Variants in ZNRF1 observed in about 807,000 individuals in gnomAD.
ZNRF1 encodes the protein zinc and ring finger 1, also known as E3 ubiquitin-protein ligase ZNRF1.
Under a neutral mutation model 18.4 loss-of-function variants are expected in ZNRF1, and 3 were observed. That is an observed-to-expected ratio of 0.16 (90% CI 0.07 to 0.42). The LOEUF is 0.42. Among genes scored for constraint, ZNRF1 ranks in the 10% least tolerant of loss-of-function variants. The pLI, the probability that ZNRF1 is intolerant of heterozygous loss-of-function variation, is 0.99. For synonymous variants in ZNRF1, 157 were observed against 144.2 expected, an observed-to-expected ratio of 1.09 and a Z score of -0.64; for missense variants, 310 against 329.8, an observed-to-expected ratio of 0.94 and a Z score of 0.47.
intron 1 of ZNRF1, among the ~76,000 whole-genome samples, chr16:75,070,335 C>G (rs1350281754): frequency 6.6e-6 from 1 of 152,120 alleles, no homozygotes; most frequent in African/African-American, 2.4e-5. Context: ...GCAAGCTTTT[C>G]GACTCCTCCC....
intron 1 of ZNRF1, among the ~76,000 whole-genome samples, chr16:75,059,167 T>C (rs2035706655): frequency 1.3e-5 from 2 of 151,580 alleles, no homozygotes; most frequent in Admixed American, 1.3e-4. Flanking sequence ...GCCCCAGATA[T>C]CTTGGATTTT....
intron 1 of ZNRF1, among the ~76,000 whole-genome samples, chr16:75,032,543 A>G (rs1349770483): frequency 1.3e-5 from 2 of 151,950 alleles, no homozygotes; most frequent in African/African-American, 4.8e-5. Context: ...TCAAAAAACA[A>G]ACAAACAACA....
At chr16:75,000,507 CAG>C (rs1410529704) in intron 1 of ZNRF1, 6 of 352,918 alleles carry the variant, frequency 1.7e-5, no homozygotes, top group East Asian at 1.5e-4. Flanking sequence ...GTCTCCTAAA[CAG>C]AGTGTGTGAA....
chr16:75,102,456 G>A (rs1362077252), intron 2 of ZNRF1, among the ~76,000 whole-genome samples: 1 of 152,190 alleles, frequency 6.6e-6, no homozygotes, highest in East Asian at 1.9e-4. Context: ...GGACAGTTAA[G>A]TTCCTTTAGT....
chr16:75,012,550 G>A (rs1271241941), intron 1 of ZNRF1, among the ~76,000 whole-genome samples: 1 of 152,188 alleles, frequency 6.6e-6, no homozygotes, highest in Non-Finnish European at 1.5e-5. Context: ...AGCATTTAGA[G>A]TGGCGCCCAG....
intron 1 of ZNRF1, among the ~76,000 whole-genome samples, chr16:75,086,245 C>A (rs568906653): frequency 6.6e-6 from 1 of 152,270 alleles, no homozygotes; most frequent in East Asian, 1.9e-4. Context: ...CACCCCATGG[C>A]CCAGTCAAAT....
chr16:75,006,870 C>T lies in ZNRF1; in HGVS notation c.424+6775C>T, dbSNP rs138642047. ...CAGTCTTGAGTGTGAGAAGGGGATT[C>T]TTAGAGACCCAGCAGTTTTCACTTC... On this transcript the variant is annotated intron_variant, in intron 1 of 4. Transcript: ENST00000335325. Among the ~76,000 whole-genome samples the T allele has an allele frequency of 7.7e-3, 1,169 of 152,186 alleles. 6 individuals carry two copies. The highest frequency in any genetic ancestry group is 0.013 in the Non-Finnish European group (872 of 68,008).
At chr16:75,026,250 G>A (rs2035222661) in intron 1 of ZNRF1, among the ~76,000 whole-genome samples, 2 of 151,970 alleles carry the variant, frequency 1.3e-5, no homozygotes, top group South Asian at 2.1e-4. Context: ...AACATTCTAA[G>A]GTTATTTATT....
intron 1 of ZNRF1, among the ~76,000 whole-genome samples, chr16:75,092,721 A>G (rs954572453): frequency 6.6e-6 from 1 of 152,230 alleles, no homozygotes; most frequent in Non-Finnish European, 1.5e-5. Context: ...CAGTTCACAC[A>G]CATCTCAAAG....
chr16:75,019,703 T>TTTTTGTTTTG (rs1300301077), intron 1 of ZNRF1, among the ~76,000 whole-genome samples: 2 of 152,054 alleles, frequency 1.3e-5, no homozygotes, highest in African/African-American at 4.8e-5. Flanking sequence ...CAACTTTTGA[T>TTTTTGTTTTG]TTTTGTTTTG....
intron 1 of ZNRF1, among the ~76,000 whole-genome samples, chr16:75,010,340 G>A (rs1176243933): frequency 1.3e-5 from 2 of 152,226 alleles, no homozygotes; most frequent in Middle Eastern, 3.4e-3. Context: ...ACTTTTTAAA[G>A]CCTTGTTTAT....
intron 1 of ZNRF1, among the ~76,000 whole-genome samples, chr16:75,060,746 G>A (rs1409789975): frequency 6.6e-6 from 1 of 152,110 alleles, no homozygotes; most frequent in Non-Finnish European, 1.5e-5. Context: ...CCAAAGTGCT[G>A]AGATTACAGG....
At chr16:75,079,053 C>T (rs756139073) in intron 1 of ZNRF1, among the ~76,000 whole-genome samples, 4 of 152,178 alleles carry the variant, frequency 2.6e-5, no homozygotes, top group Non-Finnish European at 5.9e-5. Flanking sequence ...GTTCAAGTAA[C>T]CTGAACCAGA....
At chr16:75,043,711 G>T (rs73614030) in intron 1 of ZNRF1, among the ~76,000 whole-genome samples, 3,519 of 151,932 alleles carry the variant, frequency 0.023, 159 homozygotes, top group African/African-American at 0.082. Flanking sequence ...TAAGAGACAT[G>T]GGGGATCCTG....
chr16:75,051,400 G>A (rs547070898), intron 1 of ZNRF1, among the ~76,000 whole-genome samples: 2 of 151,948 alleles, frequency 1.3e-5, no homozygotes, highest in Non-Finnish European at 2.9e-5. Context: ...GTAGAGAAAG[G>A]GTTTCCTCAT....
At chr16:75,064,518 T>C (rs1387982780) in intron 1 of ZNRF1, among the ~76,000 whole-genome samples, 1 of 150,376 alleles carries the variant, frequency 6.6e-6, no homozygotes, top group Admixed American at 6.6e-5. Flanking sequence ...ATCGTGCCAT[T>C]GCACTCCAGC....
chr16:75,092,988 T>C (rs1412077370), intron 1 of ZNRF1, among the ~76,000 whole-genome samples: 1 of 152,134 alleles, frequency 6.6e-6, no homozygotes, highest in Non-Finnish European at 1.5e-5. Flanking sequence ...CTAAAGAAGA[T>C]AAAACTCAAG....
At chr16:75,065,733 G>T (rs953507232) in intron 1 of ZNRF1, among the ~76,000 whole-genome samples, 2 of 152,094 alleles carry the variant, frequency 1.3e-5, no homozygotes, top group Non-Finnish European at 2.9e-5. Context: ...CACATTCTTC[G>T]TGTCTATAAC....
intron 1 of ZNRF1, among the ~76,000 whole-genome samples, chr16:75,048,036 C>G (rs2035538790): frequency 6.6e-6 from 1 of 151,820 alleles, no homozygotes; most frequent in Non-Finnish European, 1.5e-5. Flanking sequence ...ACTATAGCCT[C>G]AACCTCCCCA....
Sources: allele counts gnomAD v4.1 joint callset (sites outside exome capture counted in the v4.1 genomes callset), GRCh38; gene constraint gnomAD v4.1.1; transcripts MANE v1.5; gene names NCBI Gene and HGNC (gene_info 2026-07-23, HGNC 2026-07-21).